TNFAIP8L3: variants seen among roughly 807,000 people sequenced by gnomAD.
The protein encoded by TNFAIP8L3 is tumor necrosis factor alpha-induced protein 8-like protein 3.
Under a neutral mutation model 11.8 loss-of-function variants are expected in TNFAIP8L3, and 7 were observed. The observed-to-expected ratio is 0.59, with a 90% CI of 0.34 to 1.11. TNFAIP8L3 has a LOEUF of 1.11. Ranked by LOEUF, TNFAIP8L3 falls within the 50% of genes most tolerant of loss-of-function variation. The probability of loss-of-function intolerance (pLI) is 0.03; values close to 1 mark genes in which losing one functional copy is unlikely to be tolerated. For synonymous variants in TNFAIP8L3, 98 were observed against 103.8 expected (o/e 0.94, Z 0.34); for missense variants, 219 against 258.6 (o/e 0.85, Z 1.05).
At chr15:51,091,669 T>G (rs1595619103) in intron 1 of TNFAIP8L3, among the ~76,000 whole-genome samples, 1 of 69,898 alleles carries the variant, frequency 1.4e-5, no homozygotes, top group Admixed American at 2.0e-4. Context: ...TAAAAAGACC[T>G]CCTCAAGCAC....
In TNFAIP8L3 at chr15:51,058,357, T is replaced by G. The variant is rs372237970; in HGVS notation, c.139A>C (p.Met47Leu). Residue 47 changes from methionine to leucine, a missense_variant, in exon 2 of 2, where the codon ATG (methionine) becomes CTG (leucine). Transcript: ENST00000637513. ...TCGCTGCTGGTGTCATCAATCAACATGTTGGCCACAGTTTTGCTGGCTATT... is the reference window on the plus strand; with the variant it reads ...TCGCTGCTGGTGTCATCAATCAACAGGTTGGCCACAGTTTTGCTGGCTATT... ...SKIASKTVAN[M>L]LIDDTSSEIF... 6.2e-7 allele frequency: 1 copy of G among 1,614,176 alleles called. No individual in the cohort carries two copies. The highest frequency in any genetic ancestry group is 8.5e-7 in the Non-Finnish European group (1 of 1,180,036).
chr15:51,094,623 G>T lies in TNFAIP8L3; in HGVS notation c.-28C>A, dbSNP rs1168801025. Reference sequence around the variant, plus strand: ...TGCGGGCTGCTGGCTGGGCGTCCACGGCCACCCGCCCGTCTGCGGGGCGCT... The same window carrying T: ...TGCGGGCTGCTGGCTGGGCGTCCACTGCCACCCGCCCGTCTGCGGGGCGCT... On this transcript the variant is annotated 5_prime_UTR_variant, in exon 1 of 2. Coordinates refer to ENST00000637513, the MANE Select transcript of TNFAIP8L3 (RefSeq NM_001311175.2). This position sits in a 1 kb window ranked among gnomAD's most constrained non-coding sequence, Gnocchi z 4.4. The T allele has an allele frequency of 2.7e-6, 4 of 1,458,016 alleles. No individual in the cohort carries two copies. The African/African-American group carries it at 4.4e-5, about 16-fold the overall frequency. The allele number at this position is 1,458,016 out of a possible 1,614,324, so 90.3% of individuals were successfully genotyped here.
intron 1 of TNFAIP8L3, among the ~76,000 whole-genome samples, chr15:51,091,700 ACAC>A (rs2065471861): frequency 2.6e-5 from 4 of 151,794 alleles, no homozygotes; most frequent in African/African-American, 9.7e-5. Context: ...ACACACACAC[ACAC>A]ACACACACAC....
At chr15:51,080,542 G>C (rs2065383735) in intron 1 of TNFAIP8L3, among the ~76,000 whole-genome samples, 1 of 151,940 alleles carries the variant, frequency 6.6e-6, no homozygotes, top group Non-Finnish European at 1.5e-5. Context: ...CTTCTCTCCT[G>C]TGTCCATCTC....
intron 1 of TNFAIP8L3, among the ~76,000 whole-genome samples, chr15:51,067,497 T>A (rs139631730): frequency 2.0e-5 from 3 of 152,294 alleles, no homozygotes; most frequent in Admixed American, 6.5e-5. Context: ...AGAACCTCTA[T>A]TTAGGTTTCC....
At chr15:51,089,141 A>C (rs2065449342) in intron 1 of TNFAIP8L3, among the ~76,000 whole-genome samples, 1 of 152,128 alleles carries the variant, frequency 6.6e-6, no homozygotes, top group African/African-American at 2.4e-5. Flanking sequence ...TTCCAAGAGA[A>C]GTCCCAAATA....
At chr15:51,062,791 T>C (rs2140963923) in intron 1 of TNFAIP8L3, among the ~76,000 whole-genome samples, 1 of 152,278 alleles carries the variant, frequency 6.6e-6, no homozygotes, top group African/African-American at 2.4e-5. Flanking sequence ...CAGAGAGAAG[T>C]GGGTGTGGTA....
chr15:51,095,139 A>AG (rs1001367739), upstream of TNFAIP8L3, among the ~76,000 whole-genome samples: 1 of 146,714 alleles, frequency 6.8e-6, no homozygotes, highest in Non-Finnish European at 1.5e-5. Context: ...TGGGGTTGCC[A>AG]GGGTTCGAGT....
chr15:51,069,042 G>C (rs1595608358), intron 1 of TNFAIP8L3, among the ~76,000 whole-genome samples: 1 of 152,150 alleles, frequency 6.6e-6, no homozygotes, highest in African/African-American at 2.4e-5. Context: ...GGTGCAATAG[G>C]ACGGGGGCAG....
At chr15:51,079,840 A>T in intron 1 of TNFAIP8L3, among the ~76,000 whole-genome samples, 1 of 139,936 alleles carries the variant, frequency 7.1e-6, no homozygotes, top group Non-Finnish European at 1.5e-5. Context: ...TGGGTGACAG[A>T]GCAAGACTTT....
rs2065472791 is a variant in TNFAIP8L3, at chr15:51,091,789, A to G, written c.52+2755T>C. 1.3e-5 allele frequency among the ~76,000 whole-genome samples: 2 copies of G among 152,200 alleles called. 1 individual carries two copies. The highest frequency in any genetic ancestry group is 4.1e-4 in the South Asian group (2 of 4,826). On this transcript the variant is annotated intron_variant, in intron 1 of 1. Coordinates refer to ENST00000637513, the MANE Select transcript of TNFAIP8L3 (RefSeq NM_001311175.2). Reference sequence around the variant, plus strand: ...TCAAAACAAATCTCTTTAGGCAGTTATATTAATGTGATAATAACAGCAGCA... The same window carrying G: ...TCAAAACAAATCTCTTTAGGCAGTTGTATTAATGTGATAATAACAGCAGCA...
intron 1 of TNFAIP8L3, among the ~76,000 whole-genome samples, chr15:51,073,047 A>C (rs970718992): frequency 3.2e-5 from 4 of 125,034 alleles, no homozygotes; most frequent in African/African-American, 1.3e-4. Context: ...CCCAGGCTGG[A>C]GTGCAATGGT....
chr15:51,100,568 C>T (rs1447175604), intron 1 of TNFAIP8L3, among the ~76,000 whole-genome samples: 3 of 152,148 alleles, frequency 2.0e-5, no homozygotes, highest in Non-Finnish European at 4.4e-5. Flanking sequence ...GGGATAATAG[C>T]TGTATTGCTA....
chr15:51,069,276 G>A (rs1006783345), intron 1 of TNFAIP8L3, among the ~76,000 whole-genome samples: 2 of 152,172 alleles, frequency 1.3e-5, no homozygotes, highest in Non-Finnish European at 2.9e-5. Context: ...TTCATCCACA[G>A]GCTAGGAATG....
chr15:51,071,392 G>A (rs1377752981), intron 1 of TNFAIP8L3, among the ~76,000 whole-genome samples: 2 of 152,080 alleles, frequency 1.3e-5, no homozygotes, highest in Non-Finnish European at 1.5e-5. Flanking sequence ...CTAGCTCCCA[G>A]ATCAAACTGC....
chr15:51,066,310 A>G (rs1024806016), intron 1 of TNFAIP8L3, among the ~76,000 whole-genome samples: 2 of 151,942 alleles, frequency 1.3e-5, no homozygotes, highest in Non-Finnish European at 2.9e-5. Context: ...CTACAGGTAC[A>G]CACCACCATG....
chr15:51,072,894 C>A (rs761080244), intron 1 of TNFAIP8L3, among the ~76,000 whole-genome samples: 3 of 150,198 alleles, frequency 2.0e-5, no homozygotes, highest in Non-Finnish European at 4.4e-5. Flanking sequence ...TAGAAACTGT[C>A]TTGATTATTC....
intron 1 of TNFAIP8L3, among the ~76,000 whole-genome samples, chr15:51,090,718 G>T (rs2065461980): frequency 6.6e-6 from 1 of 152,156 alleles, no homozygotes; most frequent in Non-Finnish European, 1.5e-5. Flanking sequence ...GAGAGGAAGG[G>T]CAGAGTTAGG....
chr15:51,082,538 T>C (rs999483966), intron 1 of TNFAIP8L3, among the ~76,000 whole-genome samples: 6 of 152,298 alleles, frequency 3.9e-5, no homozygotes, highest in Non-Finnish European at 7.3e-5. Flanking sequence ...ATTAATCTTA[T>C]AAAAAACATT....
Sources: gnomAD v4.1 joint callset for allele counts (sites outside exome capture counted in the v4.1 genomes callset) on GRCh38, gnomAD v4.1.1 for gene constraint, Gnocchi (gnomAD v3.1) non-coding constraint, MANE v1.5 for transcripts, NCBI Gene and HGNC (gene_info 2026-07-23, HGNC 2026-07-21) for gene names.